Variants in PCDH9 observed in about 807,000 individuals in gnomAD.
The protein encoded by PCDH9 is protocadherin-9.
Under a neutral mutation model 70.6 loss-of-function variants are expected in PCDH9, and 24 were observed. The ratio of observed to expected loss-of-function variants is 0.34; its 90% CI spans 0.25 to 0.48. The LOEUF (loss-of-function observed/expected upper bound fraction) is 0.48. PCDH9 is among the 20% of genes least tolerant of loss of function. The probability of loss-of-function intolerance (pLI) is 0.99; values close to 1 mark genes in which losing one functional copy is unlikely to be tolerated. For synonymous variants in PCDH9, 562 were observed against 558.5 expected (o/e 1.01, Z -0.09); for missense variants, 1,281 against 1,503.6 (o/e 0.85, Z 2.45).
chr13:66,797,955 T>TG (rs138119710), intron 3 of PCDH9, among the ~76,000 whole-genome samples: 7 of 150,670 alleles, frequency 4.6e-5, no homozygotes, highest in Non-Finnish European at 8.9e-5. Flanking sequence ...TTTTGTTTCT[T>TG]GGGGGGTGTG....
intron 2 of PCDH9, among the ~76,000 whole-genome samples, chr13:67,083,969 G>A (rs1566413144): frequency 6.6e-6 from 1 of 152,114 alleles, no homozygotes; most frequent in Non-Finnish European, 1.5e-5. Flanking sequence ...TCTAGTATAT[G>A]CCAAACAGAG....
At chr13:67,225,318 C>CA in intron 2 of PCDH9, 87 bp downstream of exon 2, 2 of 1,433,678 alleles carry the variant, frequency 1.4e-6, no homozygotes, top group Non-Finnish European at 1.9e-6. Context: ...AAAGTTAGAC[C>CA]AAAACAATAG....
chr13:66,543,967 A>T lies in PCDH9; in HGVS notation c.3340+87243T>A, dbSNP rs182172696. Among the ~76,000 whole-genome samples, 457 of 152,292 alleles carry T rather than the reference A, an allele frequency of 3.0e-3. 2 individuals carry two copies. The highest frequency in any genetic ancestry group is 0.011 in the African/African-American group (441 of 41,566). On this transcript the variant is annotated intron_variant, in intron 4 of 4. Transcript: ENST00000377865. Reference sequence around the variant, plus strand: ...TCTAGAGGGCCATCTACTGAGTCTGAACAGCTCCTTACTGCCCAGTGGTTG... The same window carrying T: ...TCTAGAGGGCCATCTACTGAGTCTGTACAGCTCCTTACTGCCCAGTGGTTG...
chr13:67,225,788 C>T lies in PCDH9; in HGVS notation c.2653G>A (p.Val885Ile). The T allele has an allele frequency of 1.2e-6, 2 of 1,614,146 alleles. No individual in the cohort carries two copies. Among genetic ancestry groups the T allele is most frequent in the Non-Finnish European group, 1.7e-6 (2 of 1,180,012 alleles). The change falls in exon 2 of 5, where the codon GTT becomes ATT. Residue 885 changes from valine (V) to isoleucine (I), a missense_variant. Around this residue, in one of 4 missense-constraint regions of PCDH9, gnomAD observed 207 missense variants for 191.8 expected, o/e 1.08. Transcript: ENST00000377865. The part of the protein sequence containing the change: ...KSPKSSLLNF[V>I]TIEESKPDDA... ...TCGGGTTTGGACTCTTCGATAGTAA[C>T]AAAGTTCAAAAGAGAGCTTTTGGGA...
chr13:66,374,178 CACTT>C (rs1956707775), intron 4 of PCDH9, among the ~76,000 whole-genome samples: 1 of 151,998 alleles, frequency 6.6e-6, no homozygotes, highest in Non-Finnish European at 1.5e-5. Context: ...AATCTGAACT[CACTT>C]ACCAGGTCTG....
intron 3 of PCDH9, among the ~76,000 whole-genome samples, chr13:66,748,961 A>G (rs755462646): frequency 6.6e-6 from 1 of 152,122 alleles, no homozygotes; most frequent in Non-Finnish European, 1.5e-5. Context: ...GATAATGAGT[A>G]AGTACTCAAG....
chr13:66,760,351 C>A (rs1247846269), intron 3 of PCDH9, among the ~76,000 whole-genome samples: 1 of 152,096 alleles, frequency 6.6e-6, no homozygotes, highest in Non-Finnish European at 1.5e-5. Context: ...ATTTAATCTA[C>A]TTGATGTCTT....
chr13:66,804,652 G>A (rs2080383641), intron 3 of PCDH9, among the ~76,000 whole-genome samples: 1 of 152,104 alleles, frequency 6.6e-6, no homozygotes, highest in African/African-American at 2.4e-5. Context: ...ATTAGTCCTG[G>A]AAGAGTTAAG....
chr13:66,944,885 A>C (rs2083064718), intron 2 of PCDH9, among the ~76,000 whole-genome samples: 1 of 146,870 alleles, frequency 6.8e-6, no homozygotes, highest in Non-Finnish European at 1.5e-5. Flanking sequence ...CCACACTCCA[A>C]TTTAAGATAA....
intron 2 of PCDH9, among the ~76,000 whole-genome samples, chr13:67,150,580 A>G (rs1347377923): frequency 1.3e-5 from 2 of 152,204 alleles, no homozygotes; most frequent in African/African-American, 4.8e-5. Context: ...GTTTTGCCCT[A>G]ATAATAAGTA....
intron 4 of PCDH9, among the ~76,000 whole-genome samples, chr13:66,435,943 C>T (rs996007920): frequency 6.6e-6 from 1 of 152,024 alleles, no homozygotes; most frequent in Non-Finnish European, 1.5e-5. Flanking sequence ...CTTCACTCTT[C>T]ATTCTGACGT....
chr13:67,105,664 T>C (rs2086525544), intron 2 of PCDH9, among the ~76,000 whole-genome samples: 2 of 152,088 alleles, frequency 1.3e-5, no homozygotes. Context: ...TGTTTCTTTT[T>C]TTAAAAGTAA....
chr13:67,099,272 A>G (rs941577384), intron 2 of PCDH9, among the ~76,000 whole-genome samples: 1 of 152,238 alleles, frequency 6.6e-6, no homozygotes. Flanking sequence ...ACAGATCTAA[A>G]TAACCATTCT....
intron 4 of PCDH9, among the ~76,000 whole-genome samples, chr13:66,520,609 C>G: frequency 6.6e-6 from 1 of 152,164 alleles, no homozygotes; most frequent in East Asian, 1.9e-4. Flanking sequence ...TTTAGCTGAT[C>G]CTTTCCAATG....
intron 4 of PCDH9, among the ~76,000 whole-genome samples, chr13:66,445,132 A>C (rs1175697957): frequency 6.8e-6 from 1 of 147,208 alleles, no homozygotes; most frequent in African/African-American, 2.5e-5. Flanking sequence ...TGTATTATAT[A>C]AAATATATTA....
intron 2 of PCDH9, among the ~76,000 whole-genome samples, chr13:66,951,401 T>C (rs74412320): frequency 7.1e-6 from 1 of 141,638 alleles, no homozygotes. Flanking sequence ...TGTTTGTTTG[T>C]TTGCTTGCTT....
intron 4 of PCDH9, among the ~76,000 whole-genome samples, chr13:66,437,607 T>A (rs553602598): frequency 6.6e-6 from 1 of 152,170 alleles, no homozygotes; most frequent in South Asian, 2.1e-4. Flanking sequence ...ATAGTTTATA[T>A]ACCAACAGTA....
intron 4 of PCDH9, among the ~76,000 whole-genome samples, chr13:66,629,991 C>T (rs1474668440): frequency 6.6e-6 from 1 of 152,104 alleles, no homozygotes; most frequent in Admixed American, 6.6e-5. Context: ...TCCTGGTATT[C>T]CTACTTCCAC....
Position 66,815,019 on chromosome 13 carries a change from G to A in PCDH9, c.3138+88485C>T, listed in dbSNP as rs112129988. Among the ~76,000 whole-genome samples, 6 of 152,150 alleles carry A rather than the reference G, an allele frequency of 3.9e-5. No homozygotes were observed. The South Asian group carries it at 1.2e-3, about 32-fold the overall frequency. ...ATTTGCAATCTACACATCCCACAAA[G>A]GTCTAATATCCAGAATCTATAAGTA... is the stretch of plus-strand genomic sequence containing the variant. On this transcript the variant is annotated intron_variant, in intron 3 of 4. Transcript: ENST00000377865.
Sources: gnomAD v4.1 joint callset for allele counts (sites outside exome capture counted in the v4.1 genomes callset) on GRCh38, gnomAD v4.1.1 for gene constraint, gnomAD v4.1.1 regional missense constraint, MANE v1.5 for transcripts, NCBI Gene and HGNC (gene_info 2026-07-23, HGNC 2026-07-21) for gene names.